The following COMMD10 variants were observed in gnomAD, a reference collection of about 807,000 sequenced individuals.
The protein encoded by COMMD10 is COMM domain containing 10.
A neutral mutation model predicts 28.9 loss-of-function variants in COMMD10; 33 were observed. The ratio of observed to expected loss-of-function variants is 1.14; its 90% CI spans 0.87 to 1.53. The LOEUF is 1.53. COMMD10 is among the 40% of genes most tolerant of loss of function. The probability of loss-of-function intolerance (pLI) is 0.00; values close to 1 mark genes in which losing one functional copy is unlikely to be tolerated. For synonymous variants in COMMD10, 110 were observed against 81.7 expected, an observed-to-expected ratio of 1.35 and a Z score of -1.87; for missense variants, 310 against 233.4, an observed-to-expected ratio of 1.33 and a Z score of -2.14.
intron 5 of COMMD10, among the ~76,000 whole-genome samples, chr5:116,149,317 C>T (rs1463071547): frequency 1.6e-4 from 23 of 144,088 alleles, no homozygotes; most frequent in East Asian, 8.0e-4. Flanking sequence ...AATAAACATA[C>T]GTGTGTGTGT....
chr5:116,253,999 T>G (rs1167250064), intron 5 of COMMD10, among the ~76,000 whole-genome samples: 3 of 152,182 alleles, frequency 2.0e-5, no homozygotes, highest in Admixed American at 6.6e-5. Context: ...TTTTCAGAGA[T>G]TGAACTTCTT....
At chr5:116,222,468 G>C (rs1430729668) in intron 5 of COMMD10, among the ~76,000 whole-genome samples, 1 of 152,098 alleles carries the variant, frequency 6.6e-6, no homozygotes, top group Non-Finnish European at 1.5e-5. Flanking sequence ...TTGACTCATT[G>C]ACTCATCTAG....
rs962820157 is a variant in COMMD10, at chr5:116,086,694, G to A, written c.42-803G>A. The stretch of plus-strand genomic sequence containing the variant: ...AGGCTGGTCTGGAACTCCTGGCTTC[G>A]GGTGATCTGTCCTCCCTGGCCTTGC... On this transcript the variant is annotated intron_variant, in intron 1 of 6. Transcript: ENST00000274458. Among the ~76,000 whole-genome samples the A allele has an allele frequency of 2.0e-5, 3 of 152,252 alleles. No homozygotes were observed. The South Asian group carries it at 6.2e-4, about 32-fold the overall frequency.
chr5:116,204,256 T>C (rs1748754865), intron 5 of COMMD10, among the ~76,000 whole-genome samples: 1 of 152,180 alleles, frequency 6.6e-6, no homozygotes, highest in African/African-American at 2.4e-5. Context: ...CTAAGTGACC[T>C]ACAAGGAGAC....
chr5:116,166,705 T>C (rs1417160906), intron 5 of COMMD10, among the ~76,000 whole-genome samples: 3 of 152,080 alleles, frequency 2.0e-5, no homozygotes, highest in Admixed American at 6.5e-5. Context: ...GCAAACAGGG[T>C]CTGGAGTGGA....
intron 5 of COMMD10, among the ~76,000 whole-genome samples, chr5:116,167,646 C>G (rs886700956): frequency 3.3e-5 from 5 of 152,136 alleles, no homozygotes; most frequent in African/African-American, 1.2e-4. Flanking sequence ...GGCAGAAACC[C>G]TACAAGCCAG....
chr5:116,227,123 T>G (rs192302061), intron 5 of COMMD10, among the ~76,000 whole-genome samples: 132 of 152,160 alleles, frequency 8.7e-4, no homozygotes, highest in African/African-American at 3.2e-3. Flanking sequence ...AGGTTCACTA[T>G]CCTTGCCATA....
At chr5:116,160,493 A>AT (rs1157013385) in intron 5 of COMMD10, among the ~76,000 whole-genome samples, 3 of 152,224 alleles carry the variant, frequency 2.0e-5, no homozygotes, top group African/African-American at 7.2e-5. Context: ...AAAGACAGGA[A>AT]TGCAACTGAA....
At chr5:116,153,121 T>C (rs1752589923) in intron 5 of COMMD10, among the ~76,000 whole-genome samples, 1 of 152,162 alleles carries the variant, frequency 6.6e-6, no homozygotes, top group African/African-American at 2.4e-5. Flanking sequence ...CCTAATTCTA[T>C]ATATTTTGGC....
At chr5:116,092,397 A>G in intron 3 of COMMD10, 148 bp from the exon 4 acceptor site, 1 of 478,226 alleles carries the variant, frequency 2.1e-6, no homozygotes, top group Non-Finnish European at 3.6e-6. Flanking sequence ...GTATTTTATT[A>G]TGTGTAAAAT....
At chr5:116,167,282 G>T (rs28812579) in intron 5 of COMMD10, among the ~76,000 whole-genome samples, 1 of 151,456 alleles carries the variant, frequency 6.6e-6, no homozygotes, top group Admixed American at 6.6e-5. Context: ...AAGCATGAAG[G>T]CAAGAATAGA....
intron 5 of COMMD10, among the ~76,000 whole-genome samples, chr5:116,226,255 G>C (rs1296531328): frequency 6.6e-6 from 1 of 151,902 alleles, no homozygotes; most frequent in East Asian, 1.9e-4. Flanking sequence ...CAGTTTTTCA[G>C]CATGATCAGA....
At chr5:116,208,617 G>A (rs1431677564) in intron 5 of COMMD10, among the ~76,000 whole-genome samples, 2 of 152,148 alleles carry the variant, frequency 1.3e-5, no homozygotes, top group Non-Finnish European at 2.9e-5. Context: ...TTCAATAATT[G>A]AAACACATAA....
intron 5 of COMMD10, among the ~76,000 whole-genome samples, chr5:116,135,766 T>C (rs1196829598): frequency 6.6e-6 from 1 of 152,200 alleles, no homozygotes; most frequent in Non-Finnish European, 1.5e-5. Context: ...ACAGTATATA[T>C]TGGGTTTAGT....
chr5:116,098,719 C>G (rs1019728076), intron 4 of COMMD10, among the ~76,000 whole-genome samples: 1 of 152,128 alleles, frequency 6.6e-6, no homozygotes, highest in Non-Finnish European at 1.5e-5. Context: ...TGAGGAAAGA[C>G]TGTGATTCTG....
intron 5 of COMMD10, among the ~76,000 whole-genome samples, chr5:116,245,562 C>G (rs977334618): frequency 1.3e-5 from 2 of 152,080 alleles, no homozygotes; most frequent in African/African-American, 4.8e-5. Context: ...GGTCACTATG[C>G]TTGGTGGACA....
At chr5:116,185,162 A>G (rs1748096334) in intron 5 of COMMD10, among the ~76,000 whole-genome samples, 1 of 152,202 alleles carries the variant, frequency 6.6e-6, no homozygotes, top group South Asian at 2.1e-4. Flanking sequence ...AGATCTTTAT[A>G]TTGTCTTAAC....
chr5:116,218,050 T>C, intron 5 of COMMD10: 1 of 1,156,430 alleles, frequency 8.6e-7, no homozygotes, highest in Non-Finnish European at 1.3e-6. Context: ...CACCTTCAGC[T>C]TTCTGTGCCT....
At chr5:116,254,301 G>A (rs1750213833) in intron 5 of COMMD10, among the ~76,000 whole-genome samples, 1 of 151,934 alleles carries the variant, frequency 6.6e-6, no homozygotes, top group Non-Finnish European at 1.5e-5. Context: ...ATTTCCTTCA[G>A]TTCTGCTCTG....
Sources: allele counts gnomAD v4.1 joint callset (sites outside exome capture counted in the v4.1 genomes callset), GRCh38; gene constraint gnomAD v4.1.1; transcripts MANE v1.5; gene names NCBI Gene and HGNC (gene_info 2026-07-23, HGNC 2026-07-21).